Variants in GPC5 observed in about 807,000 individuals in gnomAD.
GPC5 encodes glypican-5.
A neutral mutation model predicts 53.9 loss-of-function variants in GPC5; 47 were observed. The observed-to-expected ratio is 0.87, with a 90% CI of 0.69 to 1.11. The LOEUF is 1.11. Among genes scored for constraint, GPC5 ranks in the 50% most tolerant of loss-of-function variants. The pLI is 0.00. For synonymous variants in GPC5, 286 were observed against 263.3 expected (o/e 1.09, Z -0.84); for missense variants, 748 against 713.1 (o/e 1.05, Z -0.56).
At chr13:92,143,038 C>T (rs1446149791) in intron 6 of GPC5, among the ~76,000 whole-genome samples, 2 of 152,062 alleles carry the variant, frequency 1.3e-5, no homozygotes, top group African/African-American at 4.8e-5. Flanking sequence ...GTTTAATGTG[C>T]TGGCATATTA....
At chr13:91,906,946 T>C (rs950032734) in intron 5 of GPC5, among the ~76,000 whole-genome samples, 1 of 151,294 alleles carries the variant, frequency 6.6e-6, no homozygotes, top group African/African-American at 2.4e-5. Context: ...TGTACAGTTA[T>C]GGTTTATGAT....
intron 6 of GPC5, among the ~76,000 whole-genome samples, chr13:91,922,767 T>C (rs2139019329): frequency 6.6e-6 from 1 of 152,308 alleles, no homozygotes; most frequent in East Asian, 1.9e-4. Flanking sequence ...TGTACCCAGG[T>C]ATCTAGGTTC....
At position 91,727,708 on chromosome 13, in the gene GPC5, A is replaced by G. The variant is rs367588640; in HGVS notation, c.1021-824A>G. Among the ~76,000 whole-genome samples, 9 of 152,240 alleles carry G rather than the reference A, an allele frequency of 5.9e-5. No homozygotes were observed. In the South Asian group the frequency reaches 1.5e-3, roughly 25 times the overall value. On this transcript the variant is annotated intron_variant, in intron 3 of 7. Coordinates refer to ENST00000377067, the MANE Select transcript of GPC5 (RefSeq NM_004466.6). ...TTCAAAGAGGTTCTGTTATATTTTT[A>G]AGGTCTCAATATAAAGAAAGGAAAA...
intron 7 of GPC5, among the ~76,000 whole-genome samples, chr13:92,168,869 A>T (rs2042049637): frequency 1.3e-5 from 2 of 152,226 alleles, no homozygotes; most frequent in Non-Finnish European, 2.9e-5. Context: ...TCTATTATAA[A>T]GATACATGCA....
At chr13:92,772,132 C>T (rs899282230) in intron 7 of GPC5, among the ~76,000 whole-genome samples, 1 of 152,102 alleles carries the variant, frequency 6.6e-6, no homozygotes, top group African/African-American at 2.4e-5. Context: ...ACCCTAGTCT[C>T]GGTCACTATT....
intron 7 of GPC5, among the ~76,000 whole-genome samples, chr13:92,468,378 T>C (rs1400612572): frequency 6.6e-6 from 1 of 152,116 alleles, no homozygotes; most frequent in African/African-American, 2.4e-5. Context: ...TTCTTGGTTG[T>C]TTGGAATGCA....
intron 7 of GPC5, among the ~76,000 whole-genome samples, chr13:92,566,546 A>T (rs1218998878): frequency 6.6e-6 from 1 of 152,096 alleles, no homozygotes; most frequent in Non-Finnish European, 1.5e-5. Context: ...TGAAGAGGCT[A>T]ATGGATTTTA....
At chr13:92,606,788 T>A (rs1024886981) in intron 7 of GPC5, among the ~76,000 whole-genome samples, 1 of 152,066 alleles carries the variant, frequency 6.6e-6, no homozygotes, top group Admixed American at 6.6e-5. Flanking sequence ...TTGGGGGAGT[T>A]TTTTTTCACT....
intron 7 of GPC5, among the ~76,000 whole-genome samples, chr13:92,635,838 G>C (rs1302325645): frequency 6.6e-6 from 1 of 152,206 alleles, no homozygotes; most frequent in South Asian, 2.1e-4. Context: ...CACATCCTCA[G>C]TCACTTGAAT....
chr13:91,804,783 G>A (rs1452747934), intron 5 of GPC5, among the ~76,000 whole-genome samples: 3 of 152,142 alleles, frequency 2.0e-5, no homozygotes, highest in South Asian at 2.1e-4. Flanking sequence ...GGGCAAAAGT[G>A]CAAGAAAGAC....
intron 7 of GPC5, among the ~76,000 whole-genome samples, chr13:92,524,513 G>C (rs1359348295): frequency 6.6e-6 from 1 of 152,038 alleles, no homozygotes; most frequent in Non-Finnish European, 1.5e-5. Context: ...GGATACAAAA[G>C]GCCAACTGCT....
chr13:91,641,272 G>T (rs1365336290), intron 2 of GPC5, among the ~76,000 whole-genome samples: 1 of 152,232 alleles, frequency 6.6e-6, no homozygotes, highest in Non-Finnish European at 1.5e-5. Flanking sequence ...AGCTTGCAGT[G>T]AGCCAAGATA....
At chr13:91,694,988 C>T (rs372539016) in intron 3 of GPC5, among the ~76,000 whole-genome samples, 16 of 152,170 alleles carry the variant, frequency 1.1e-4, no homozygotes, top group Non-Finnish European at 2.2e-4. Flanking sequence ...TATGTCCAAA[C>T]GCGTTTTCCC....
At chr13:92,054,658 T>C (rs2041060167) in intron 6 of GPC5, among the ~76,000 whole-genome samples, 1 of 152,176 alleles carries the variant, frequency 6.6e-6, no homozygotes, top group Admixed American at 6.5e-5. Context: ...AAGTAGAATA[T>C]AAATATTTGC....
intron 7 of GPC5, among the ~76,000 whole-genome samples, chr13:92,581,566 A>T: frequency 6.6e-6 from 1 of 152,130 alleles, no homozygotes. Context: ...CCAATTTCAT[A>T]TCCTTTAGAA....
rs550980127 is a variant in GPC5, at chr13:92,378,861, CTTTGACTTCT to C, written c.1561+233874_1561+233883del. 3.9e-5 allele frequency among the ~76,000 whole-genome samples: 6 copies of C among 152,220 alleles called. No homozygotes were observed. The East Asian group carries it at 1.2e-3, about 29-fold the overall frequency. On this transcript the variant is annotated intron_variant, in intron 7 of 7. Transcript: ENST00000377067. ...AAAATGATGGATATTCCTTACCTTG[CTTTGACTTCT>C]TAAAGGTTTTTACTTGATGAAGGGC...
chr13:91,927,405 T>C (rs558877688), intron 6 of GPC5, among the ~76,000 whole-genome samples: 1 of 152,274 alleles, frequency 6.6e-6, no homozygotes, highest in East Asian at 1.9e-4. Flanking sequence ...AATAGTTTGC[T>C]TTTCTGTGAA....
chr13:92,377,811 T>G (rs945222016), intron 7 of GPC5, among the ~76,000 whole-genome samples: 1 of 152,236 alleles, frequency 6.6e-6, no homozygotes, highest in African/African-American at 2.4e-5. Context: ...TTTGAACAAT[T>G]CATTTTTCTA....
chr13:92,069,427 TG>T (rs1250751675), intron 6 of GPC5, among the ~76,000 whole-genome samples: 1 of 151,802 alleles, frequency 6.6e-6, no homozygotes, highest in Non-Finnish European at 1.5e-5. Context: ...TGTGTGTGTG[TG>T]TGTGTGTGTG....
Sources: allele counts gnomAD v4.1 joint callset (sites outside exome capture counted in the v4.1 genomes callset), GRCh38; gene constraint gnomAD v4.1.1; transcripts MANE v1.5; gene names NCBI Gene and HGNC (gene_info 2026-07-23, HGNC 2026-07-21).